Variants in ASAP2 observed in about 807,000 individuals in gnomAD.
ASAP2 encodes the protein ArfGAP with SH3 domain, ankyrin repeat and PH domain 2, also known as arf-GAP with SH3 domain, ANK repeat and PH domain-containing protein 2.
ASAP2 carries 45 observed loss-of-function variants against 131.4 expected under a neutral mutation model. The ratio of observed to expected loss-of-function variants is 0.34; its 90% confidence interval spans 0.27 to 0.44. ASAP2 has a LOEUF of 0.44. Ranked by LOEUF, ASAP2 falls within the 20% of genes least tolerant of loss-of-function variation. ASAP2 has a pLI of 1.00. For missense variants in ASAP2, 1,011 were observed against 1,297.0 expected (o/e 0.78, Z 3.39); for synonymous variants, 510 against 503.0 (o/e 1.01, Z -0.19).
At chr2:9,251,355 G>T (rs1664692831) in intron 1 of ASAP2, among the ~76,000 whole-genome samples, 1 of 152,060 alleles carries the variant, frequency 6.6e-6, no homozygotes. Flanking sequence ...TGGTACTCAC[G>T]TGTAACAGCC....
chr2:9,366,784 C>T (rs1446188736), intron 15 of ASAP2, among the ~76,000 whole-genome samples: 7 of 152,132 alleles, frequency 4.6e-5, no homozygotes, highest in African/African-American at 1.4e-4. Flanking sequence ...ATTAGGAAAG[C>T]TCATCATCCA....
chr2:9,221,323 C>CTT (rs35784307), intron 1 of ASAP2, among the ~76,000 whole-genome samples: 14 of 132,002 alleles, frequency 1.1e-4, no homozygotes, highest in South Asian at 2.4e-4. Flanking sequence ...CTTTTCTTTT[C>CTT]TTTTTTTTTT....
At chr2:9,302,655 A>C (rs556876283) in intron 3 of ASAP2, among the ~76,000 whole-genome samples, 1 of 152,064 alleles carries the variant, frequency 6.6e-6, no homozygotes, top group South Asian at 2.1e-4. Flanking sequence ...TTGTATTTTT[A>C]GTACAGACGG....
At chr2:9,399,316 C>T (rs909679538) in intron 24 of ASAP2, 2 of 152,288 alleles carry the variant, frequency 1.3e-5, no homozygotes, top group Non-Finnish European at 2.9e-5. Context: ...GGAGATCCAC[C>T]GGGGAGCTGA....
At chr2:9,277,750 C>G (rs575291862) in intron 1 of ASAP2, among the ~76,000 whole-genome samples, 13 of 152,318 alleles carry the variant, frequency 8.5e-5, no homozygotes, top group African/African-American at 3.1e-4. Flanking sequence ...TTAGGGCTCA[C>G]TCTTGTACAT....
intron 1 of ASAP2, among the ~76,000 whole-genome samples, chr2:9,242,713 A>AT (rs1572233442): frequency 6.6e-6 from 1 of 151,854 alleles, no homozygotes; most frequent in Non-Finnish European, 1.5e-5. Context: ...ATTTTATCCC[A>AT]TTTTTTCTGT....
intron 20 of ASAP2, 148 bp downstream of exon 20, chr2:9,380,956 T>C: frequency 1.1e-6 from 1 of 908,894 alleles, no homozygotes; most frequent in African/African-American, 1.7e-5. Context: ...CAGCCTGCCT[T>C]GGAGAAGGTA....
intron 6 of ASAP2, among the ~76,000 whole-genome samples, chr2:9,324,916 A>G (rs1452597726): frequency 6.6e-6 from 1 of 152,158 alleles, no homozygotes. Context: ...TTAACGTTGA[A>G]TGTTACTATT....
chr2:9,340,991 C>G (rs1460829465), intron 9 of ASAP2, among the ~76,000 whole-genome samples: 1 of 152,166 alleles, frequency 6.6e-6, no homozygotes, highest in Non-Finnish European at 1.5e-5. Flanking sequence ...GGCACACAAA[C>G]AGTCCCTGCA....
intron 1 of ASAP2, among the ~76,000 whole-genome samples, chr2:9,220,322 C>T (rs556029665): frequency 6.6e-6 from 1 of 152,316 alleles, no homozygotes; most frequent in East Asian, 1.9e-4. Context: ...AAAGAGGCTG[C>T]ACCACTTGAC....
At chr2:9,225,266 G>A (rs932946627) in intron 1 of ASAP2, among the ~76,000 whole-genome samples, 1 of 152,108 alleles carries the variant, frequency 6.6e-6, no homozygotes, top group Non-Finnish European at 1.5e-5. Flanking sequence ...AGTGTGGGTA[G>A]ATCTGTCTCA....
intron 1 of ASAP2, among the ~76,000 whole-genome samples, chr2:9,248,626 G>A (rs1457318636): frequency 6.6e-6 from 1 of 152,074 alleles, no homozygotes; most frequent in Non-Finnish European, 1.5e-5. Flanking sequence ...AGACGCTGAC[G>A]GTGAGGTCTT....
chr2:9,257,928 G>A (rs559052763), intron 1 of ASAP2, among the ~76,000 whole-genome samples: 2 of 152,280 alleles, frequency 1.3e-5, no homozygotes, highest in East Asian at 3.9e-4. Context: ...TACTTTCTAT[G>A]TTGTTGCAAT....
intron 2 of ASAP2, among the ~76,000 whole-genome samples, chr2:9,280,227 C>T (rs546140897): frequency 5.3e-5 from 8 of 152,164 alleles, no homozygotes; most frequent in Non-Finnish European, 1.0e-4. Flanking sequence ...ACTGTGTCCC[C>T]TCACCCTCGT....
intron 1 of ASAP2, among the ~76,000 whole-genome samples, chr2:9,209,999 A>G (rs1465271850): frequency 6.6e-6 from 1 of 152,240 alleles, no homozygotes; most frequent in Non-Finnish European, 1.5e-5. Context: ...GAATATTATT[A>G]TAGTAACTGT....
chr2:9,337,535 A>C (rs1026438991), intron 9 of ASAP2, among the ~76,000 whole-genome samples: 7 of 151,916 alleles, frequency 4.6e-5, no homozygotes, highest in Admixed American at 3.3e-4. Context: ...TAAAAATTCT[A>C]ACCCTCCCTG....
chr2:9,359,546 C>T (rs1558365271), intron 15 of ASAP2, among the ~76,000 whole-genome samples: 1 of 152,144 alleles, frequency 6.6e-6, no homozygotes, highest in Non-Finnish European at 1.5e-5. Flanking sequence ...ACTGTCTTCC[C>T]TAGAAAGCAG....
At chr2:9,277,892 T>G (rs1219640809) in intron 1 of ASAP2, among the ~76,000 whole-genome samples, 1 of 152,234 alleles carries the variant, frequency 6.6e-6, no homozygotes, top group Non-Finnish European at 1.5e-5. Context: ...TGTCTGTTTT[T>G]AGCATCCAAT....
chr2:9,297,574 T>C (rs775988603), intron 3 of ASAP2, 129 bp downstream of exon 3: 59 of 1,147,160 alleles, frequency 5.1e-5, no homozygotes, highest in Non-Finnish European at 7.1e-5. Context: ...AAAAGAATTA[T>C]GTTTTTATAC....
Sources: allele counts gnomAD v4.1 joint callset (sites outside exome capture counted in the v4.1 genomes callset), GRCh38; gene constraint gnomAD v4.1.1; transcripts MANE v1.5; gene names NCBI Gene and HGNC (gene_info 2026-07-23, HGNC 2026-07-21).